HSD17B4: variants seen among roughly 807,000 people sequenced by gnomAD.
HSD17B4 encodes the protein peroxisomal multifunctional enzyme type 2.
Under a neutral mutation model 101.0 loss-of-function variants are expected in HSD17B4, and 70 were observed. The observed-to-expected ratio is 0.69, with a 90% confidence interval of 0.57 to 0.85. The LOEUF (loss-of-function observed/expected upper bound fraction) is 0.85, where lower values mean the gene tolerates loss of function less well. HSD17B4 is among the 40% of genes least tolerant of loss of function. The pLI, the probability that HSD17B4 is intolerant of heterozygous loss-of-function variation, is 0.00. For synonymous variants in HSD17B4, 347 were observed against 297.1 expected (o/e 1.17, Z -1.73); for missense variants, 984 against 892.4 (o/e 1.10, Z -1.31).
At chr5:119,497,498 G>A (rs1750754020) in intron 12 of HSD17B4, among the ~76,000 whole-genome samples, 1 of 152,160 alleles carries the variant, frequency 6.6e-6, no homozygotes, top group Non-Finnish European at 1.5e-5. Context: ...GTAGATTTGA[G>A]TTGTGTGGGA....
At chr5:119,534,120 T>C (rs923106482) in intron 22 of HSD17B4, among the ~76,000 whole-genome samples, 2 of 152,110 alleles carry the variant, frequency 1.3e-5, no homozygotes, top group African/African-American at 4.8e-5. Context: ...AGGTTTAAGC[T>C]GGTTAGCATT....
chr5:119,521,362 CA>C (rs1753097631), intron 17 of HSD17B4, among the ~76,000 whole-genome samples: 1 of 152,158 alleles, frequency 6.6e-6, no homozygotes, highest in Admixed American at 6.5e-5. Flanking sequence ...CTCAGTCTTG[CA>C]TGTTGCAGGT....
intron 9 of HSD17B4, among the ~76,000 whole-genome samples, chr5:119,490,000 C>G (rs987525247): frequency 6.6e-6 from 1 of 150,578 alleles, no homozygotes; most frequent in Non-Finnish European, 1.5e-5. Context: ...TCTCTTTTTT[C>G]TAGCCTAAAC....
At chr5:119,453,109 C>G (rs1393592145) in intron 1 of HSD17B4, among the ~76,000 whole-genome samples, 3 of 152,340 alleles carry the variant, frequency 2.0e-5, no homozygotes, top group Admixed American at 1.3e-4. Flanking sequence ...TTCCCTCTGT[C>G]GTAAGATTTT....
chr5:119,485,950 A>G (rs1208896225), intron 8 of HSD17B4, among the ~76,000 whole-genome samples: 2 of 152,168 alleles, frequency 1.3e-5, no homozygotes, highest in Non-Finnish European at 2.9e-5. Context: ...TAGGTCTTTA[A>G]TGATGTTTTA....
At chr5:119,452,694 G>C (rs1025780115) in intron 1 of HSD17B4, 61 bp downstream of exon 1, 38 of 1,609,796 alleles carry the variant, frequency 2.4e-5, no homozygotes, top group Middle Eastern at 1.7e-4. Context: ...TGCTCTTTTC[G>C]GGCCGGCATA....
chr5:119,496,548 A>G lies in HSD17B4; in HGVS notation c.874A>G (p.Thr292Ala). Reference sequence around the variant, plus strand: ...TTTTTCATTTTTCATTTTAGAATCAACTGGCAGTATAATTGAAGTTCTGAG... The same window carrying G: ...TTTTTCATTTTTCATTTTAGAATCAGCTGGCAGTATAATTGAAGTTCTGAG... ...ASKPQSIQES[T>A]GSIIEVLSKI... Residue 292 changes from threonine (T) to alanine (A), a missense_variant, in exon 12 of 24, where the codon ACT becomes GCT. Physicochemically the swap from Thr to Ala is moderately conservative, Grantham distance 58. Coordinates refer to ENST00000510025, the MANE Select transcript of HSD17B4 (RefSeq NM_000414.4). The G allele has an allele frequency of 1.3e-6, 2 of 1,525,948 alleles. No individual in the cohort carries two copies. The highest frequency in any genetic ancestry group is 1.8e-6 in the Non-Finnish European group (2 of 1,099,900). 94.5% of individuals were successfully genotyped at this position (1,525,948 alleles called of 1,614,324 possible). A position where few individuals can be genotyped will look rare whatever the true frequency, so the allele number is the denominator to read the frequency against.
In HSD17B4 at chr5:119,541,821, G is replaced by A. The variant is rs115238284; in HGVS notation, c.2122-84G>A. 1.7e-3 allele frequency: 1,395 copies of A among 829,848 alleles called. 17 individuals are homozygous for A. In the African/African-American group the frequency reaches 0.022, roughly 13 times the overall value. 51.4% of individuals were successfully genotyped at this position (829,848 alleles called of 1,614,324 possible). A position where few individuals can be genotyped will look rare whatever the true frequency, so the allele number is the denominator to read the frequency against. ...AGAATTATTAGCTCAATTGTATTCA[G>A]TCTGAATAATCTTAAAAAAAAAAAA... On this transcript the variant is annotated intron_variant, in intron 23 of 23. Coordinates refer to ENST00000510025, the MANE Select transcript of HSD17B4 (RefSeq NM_000414.4).
chr5:119,507,387 C>T (rs560674075), intron 15 of HSD17B4, among the ~76,000 whole-genome samples: 1 of 152,100 alleles, frequency 6.6e-6, no homozygotes, highest in South Asian at 2.1e-4. Flanking sequence ...GGTTTAAACA[C>T]CACAGCCACA....
intron 17 of HSD17B4, among the ~76,000 whole-genome samples, chr5:119,523,671 G>T (rs1049475348): frequency 1.3e-5 from 2 of 152,058 alleles, no homozygotes; most frequent in African/African-American, 4.8e-5. Flanking sequence ...ATATATGTGG[G>T]ATAAGAATAC....
chr5:119,524,702 C>G (rs1408812454), intron 17 of HSD17B4, among the ~76,000 whole-genome samples: 1 of 152,080 alleles, frequency 6.6e-6, no homozygotes, highest in African/African-American at 2.4e-5. Flanking sequence ...TAATAGCAAG[C>G]TATCAGTTCA....
At chr5:119,504,170 C>T (rs1351215563) in intron 14 of HSD17B4, among the ~76,000 whole-genome samples, 1 of 151,956 alleles carries the variant, frequency 6.6e-6, no homozygotes, top group East Asian at 1.9e-4. Context: ...TTTTCTTTAT[C>T]CATTTCACCA....
At position 119,502,091 on chromosome 5, in the gene HSD17B4, AG is replaced by A. The variant is rs1405404527; in HGVS notation, c.1261+1del. On this transcript the variant is annotated frameshift_variant and splice_region_variant, in exon 14 of 24. Coordinates refer to ENST00000510025, the MANE Select transcript of HSD17B4 (RefSeq NM_000414.4). LOFTEE classifies it high-confidence loss of function. Reference protein sequence around the residue: ...LELYKPLPRAGKLKCEAVVAD... With the variant: ...LELYKPLPRAXKLKCEAVVAD... ...AGTTATATAAACCACTTCCCAGAGCAGGTGAGTTATTGATATACTAATTCCA... is the reference window on the plus strand; with the variant it reads ...AGTTATATAAACCACTTCCCAGAGCAGTGAGTTATTGATATACTAATTCCA... The A allele has an allele frequency of 6.3e-7, 1 of 1,584,966 alleles. No individual in the cohort carries two copies. The highest frequency in any genetic ancestry group is 1.1e-5 in the South Asian group (1 of 90,484).
At chr5:119,468,175 C>T (rs1756002402) in intron 2 of HSD17B4, among the ~76,000 whole-genome samples, 1 of 151,490 alleles carries the variant, frequency 6.6e-6, no homozygotes. Context: ...GGATTCTTTT[C>T]TCTTTCTCAT....
chr5:119,536,609 C>T, intron 23 of HSD17B4, 59 bp downstream of exon 23: 1 of 1,556,802 alleles, frequency 6.4e-7, no homozygotes, highest in Non-Finnish European at 8.8e-7. Flanking sequence ...TTGACAATTG[C>T]AGTTTTTAAG....
intron 23 of HSD17B4, among the ~76,000 whole-genome samples, chr5:119,540,402 A>C (rs184323133): frequency 2.5e-4 from 38 of 152,210 alleles, no homozygotes; most frequent in Admixed American, 2.2e-3. Context: ...GAAATAAGAA[A>C]ATAGATAGGA....
intron 6 of HSD17B4, among the ~76,000 whole-genome samples, chr5:119,476,966 CCT>C: frequency 6.6e-6 from 1 of 152,230 alleles, no homozygotes; most frequent in South Asian, 2.1e-4. Flanking sequence ...TGAAAACAGG[CCT>C]CTCACTAACT....
intron 16 of HSD17B4, among the ~76,000 whole-genome samples, chr5:119,509,925 G>T (rs189990345): frequency 2.6e-5 from 4 of 152,222 alleles, no homozygotes; most frequent in East Asian, 1.9e-4. Flanking sequence ...TAAGGGTTTT[G>T]GTTAACAGTA....
Position 119,541,962 on chromosome 5 carries a change from C to A in HSD17B4, c.2179C>A (p.Gln727Lys), listed in dbSNP as rs1168547933. 5 of 1,612,970 alleles carry A rather than the reference C, an allele frequency of 3.1e-6. No individual in the cohort carries two copies. Among genetic ancestry groups the A allele is most frequent in the Non-Finnish European group, 4.2e-6 (5 of 1,179,248 alleles). ...RGNIMLSQKL[Q>K]MILKDYAKL ...GAACATCATGCTGAGCCAGAAACTT[C>A]AGATGATTCTTAAAGACTACGCCAA... The change falls in exon 24 of 24, where the codon CAG (glutamine) becomes AAG (lysine). Residue 727 changes from glutamine (Q) to lysine (K), a missense_variant. By Grantham distance (53) the Gln-to-Lys change is moderately conservative. Transcript: ENST00000510025.
Sources: allele counts gnomAD v4.1 joint callset (sites outside exome capture counted in the v4.1 genomes callset), GRCh38; gene constraint gnomAD v4.1.1; transcripts MANE v1.5; gene names NCBI Gene and HGNC (gene_info 2026-07-23, HGNC 2026-07-21).